ARHGEF16: variants seen among roughly 807,000 people sequenced by gnomAD.
ARHGEF16 encodes the protein Rho guanine nucleotide exchange factor 16.
A neutral mutation model predicts 74.1 loss-of-function variants in ARHGEF16; 59 were observed. The observed-to-expected ratio is 0.80, with a 90% CI of 0.65 to 0.99. The LOEUF is 0.99. Ranked by LOEUF, ARHGEF16 falls within the 50% of genes least tolerant of loss-of-function variation. The pLI is 0.00. For missense variants in ARHGEF16, 948 were observed against 986.6 expected, an observed-to-expected ratio of 0.96 and a Z score of 0.52; for synonymous variants, 415 against 412.6, an observed-to-expected ratio of 1.01 and a Z score of -0.07.
chr1:3,472,910 T>C, intron 6 of ARHGEF16, 168 bp from the exon 7 acceptor site: 2 of 168,582 alleles, frequency 1.2e-5, no homozygotes, highest in Non-Finnish European at 2.2e-5. Context: ...GCATCCCAGG[T>C]CCGGGTCCCG....
intron 6 of ARHGEF16, among the ~76,000 whole-genome samples, chr1:3,470,717 G>A (rs1365805526): frequency 2.0e-5 from 3 of 151,256 alleles, no homozygotes; most frequent in Non-Finnish European, 4.4e-5. Context: ...GGCTGTGTGT[G>A]CGTGGTCAGG....
rs562193760 is a variant in ARHGEF16 at position 3,467,525 on chromosome 1, C to G, written c.804+188C>G. On this transcript the variant is annotated intron_variant, in intron 4 of 14. Coordinates refer to ENST00000378378, the MANE Select transcript of ARHGEF16 (RefSeq NM_014448.4). ...GACCTGGGGGTCTCCCTCCTGTGCC[C>G]TCAGAGTCACCCTGCCCATGCAGGG... 3.3e-5 allele frequency among the ~76,000 whole-genome samples: 5 copies of G among 152,332 alleles called. No homozygotes were observed. In the South Asian group the frequency reaches 8.3e-4, roughly 25 times the overall value.
At chr1:3,469,711 T>C in intron 6 of ARHGEF16, 118 bp downstream of exon 6, 6 of 1,389,794 alleles carry the variant, frequency 4.3e-6, no homozygotes, top group Non-Finnish European at 4.9e-6. Context: ...TTGATGTGGA[T>C]GGTTTAGAGC....
intron 4 of ARHGEF16, chr1:3,468,603 G>T: frequency 2.0e-6 from 1 of 490,828 alleles, no homozygotes; most frequent in Non-Finnish European, 3.7e-6. Context: ...CCGCCCTCTG[G>T]CCTCTCCCTC....
chr1:3,457,417 G>C (rs978243030), intron 1 of ARHGEF16, among the ~76,000 whole-genome samples: 5 of 152,226 alleles, frequency 3.3e-5, no homozygotes, highest in African/African-American at 9.6e-5. Context: ...CCTAACCGGA[G>C]GGGCAGCAAA....
At position 3,477,915 on chromosome 1, in the gene ARHGEF16, G is replaced by A. The variant is rs148890269; in HGVS notation, c.1514G>A (p.Arg505His). Reference protein sequence around the residue: ...LISASRWLLKRGELFLVEETG... With the variant: ...LISASRWLLKHGELFLVEETG... ...TCTGCCTCCCGGTGGCTGCTGAAGCGCGGAGAGCTGTTCTTAGTGGAAGAA... is the reference window on the plus strand; with the variant it reads ...TCTGCCTCCCGGTGGCTGCTGAAGCACGGAGAGCTGTTCTTAGTGGAAGAA... The change falls in exon 11 of 15, where the codon CGC (arginine) becomes CAC (histidine). Residue 505 changes from arginine (R) to histidine (H), a missense_variant. Arg to His is a conservative substitution (Grantham distance 29). Coordinates refer to ENST00000378378, the MANE Select transcript of ARHGEF16 (RefSeq NM_014448.4). 49 of 1,612,614 alleles carry A rather than the reference G, an allele frequency of 3.0e-5. No individual in the cohort carries two copies. The highest frequency in any genetic ancestry group is 2.7e-4 in the South Asian group (25 of 91,074).
chr1:3,471,096 G>A (rs143715181), intron 6 of ARHGEF16, among the ~76,000 whole-genome samples: 3,122 of 143,270 alleles, frequency 0.022, 43 homozygotes, highest in Middle Eastern at 0.04. Context: ...GTGTGTGTGC[G>A]TGGGTGTGTG....
chr1:3,466,956 C>T (rs1156243498), intron 3 of ARHGEF16: 1 of 533,910 alleles, frequency 1.9e-6, no homozygotes, highest in Non-Finnish European at 3.3e-6. Flanking sequence ...TGGAGGCACC[C>T]TGAGCCGGGA....
intron 6 of ARHGEF16, among the ~76,000 whole-genome samples, chr1:3,472,199 G>T (rs917731345): frequency 6.6e-6 from 1 of 152,218 alleles, no homozygotes; most frequent in Non-Finnish European, 1.5e-5. Flanking sequence ...GTGCTCTGAG[G>T]GTCTGCAGGA....
intron 1 of ARHGEF16, among the ~76,000 whole-genome samples, chr1:3,455,644 T>G (rs1037914115): frequency 6.6e-6 from 1 of 151,940 alleles, no homozygotes; most frequent in Admixed American, 6.6e-5. Flanking sequence ...AGGGGAACAG[T>G]CTGTGCACCA....
chr1:3,479,905 A>G lies in ARHGEF16; in HGVS notation c.1982A>G (p.Gln661Arg). Reference sequence around the variant, plus strand: ...GCGGACGTGGTCCTGGTTCTGCAGCAGGAGGATGGTGAGTGCAGGGGCGTT... The same window carrying G: ...GCGGACGTGGTCCTGGTTCTGCAGCGGGAGGATGGTGAGTGCAGGGGCGTT... ...QQADVVLVLQ[Q>R]EDGWLYGERL... The change falls in exon 14 of 15, where the codon CAG (glutamine) becomes CGG (arginine). Residue 661 changes from glutamine (Q) to arginine (R), a missense_variant. Gln to Arg is a conservative substitution (Grantham distance 43). Transcript: ENST00000378378. 6.2e-7 allele frequency: 1 copy of G among 1,612,196 alleles called. No homozygotes were observed. Among genetic ancestry groups the G allele is most frequent in the South Asian group, 1.1e-5 (1 of 91,082 alleles).
rs1487384765 is a variant in ARHGEF16 at position 3,480,773 on chromosome 1, G to GAGGCACCCCC, written c.*192_*201dup. 2.4e-6 allele frequency: 2 copies of GAGGCACCCCC among 847,390 alleles called. No individual in the cohort carries two copies. The highest frequency in any genetic ancestry group is 3.5e-6 in the Non-Finnish European group (2 of 566,200). The allele number at this position is 847,390 out of a possible 1,614,324, so 52.5% of individuals were successfully genotyped here. On this transcript the variant is annotated 3_prime_UTR_variant, in exon 15 of 15. Coordinates refer to ENST00000378378, the MANE Select transcript of ARHGEF16 (RefSeq NM_014448.4). ...GGAAGGAAGATCACATGTCCCCAGA[G>GAGGCACCCCC]AGGCACCCCCAGGCAAGCTCGAGGG...
chr1:3,457,597 A>G (rs994248673), intron 1 of ARHGEF16, among the ~76,000 whole-genome samples: 6 of 152,242 alleles, frequency 3.9e-5, no homozygotes, highest in African/African-American at 4.8e-5. Flanking sequence ...GGGCGGGGCT[A>G]CAGAGCGGCC....
intron 3 of ARHGEF16, 93 bp downstream of exon 3, chr1:3,466,286 T>C: frequency 7.3e-7 from 1 of 1,364,444 alleles, no homozygotes; most frequent in Non-Finnish European, 9.9e-7. Context: ...CTCAGTTTGG[T>C]GTCTCGGGGT....
In ARHGEF16 at chr1:3,467,157, T is replaced by C. The variant is rs982156897; in HGVS notation, c.635-11T>C. The C allele has an allele frequency of 6.5e-7, 1 of 1,548,032 alleles. No homozygotes were observed. Among genetic ancestry groups the C allele is most frequent in the Non-Finnish European group, 8.7e-7 (1 of 1,145,146 alleles). ...CCCCAGGGCCACAGGTTACCCTCCT[T>C]CTCTCTCTAGACCCCCAGCTCTACC... On this transcript the variant is annotated splice_polypyrimidine_tract_variant and intron_variant, in intron 3 of 14. Transcript: ENST00000378378.
In ARHGEF16 at chr1:3,471,966, T is replaced by C. The variant is rs1245601938; in HGVS notation, c.1023-1112T>C. On this transcript the variant is annotated intron_variant, in intron 6 of 14. Transcript: ENST00000378378. ...CTCGTCCACGGGGACTGCAGCTCCATCTGCTGGGGATTCTCAAGGGCAAGC... is the reference window on the plus strand; with the variant it reads ...CTCGTCCACGGGGACTGCAGCTCCACCTGCTGGGGATTCTCAAGGGCAAGC... 2.0e-5 allele frequency among the ~76,000 whole-genome samples: 3 copies of C among 152,200 alleles called. No homozygotes were observed. The East Asian group carries it at 5.8e-4, about 29-fold the overall frequency.
chr1:3,473,574 G>C, intron 8 of ARHGEF16, 52 bp downstream of exon 8: 4 of 1,599,286 alleles, frequency 2.5e-6, no homozygotes, highest in Non-Finnish European at 3.4e-6. Context: ...GGGGTCCCAC[G>C]GCCAGAGCCC....
At chr1:3,476,636 G>A (rs1248008843) in intron 10 of ARHGEF16, among the ~76,000 whole-genome samples, 1 of 152,038 alleles carries the variant, frequency 6.6e-6, no homozygotes, top group Non-Finnish European at 1.5e-5. Context: ...CCCACACACT[G>A]GCCGCATCCT....
At chr1:3,455,501 G>T (rs1639247908) in intron 1 of ARHGEF16, among the ~76,000 whole-genome samples, 1 of 152,112 alleles carries the variant, frequency 6.6e-6, no homozygotes, top group South Asian at 2.1e-4. Context: ...CTCTTTCTGC[G>T]TCTGTGAAAT....
Sources: allele counts gnomAD v4.1 joint callset (sites outside exome capture counted in the v4.1 genomes callset), GRCh38; gene constraint gnomAD v4.1.1; transcripts MANE v1.5; gene names NCBI Gene and HGNC (gene_info 2026-07-23, HGNC 2026-07-21).